Variants in GNAO1 observed in about 807,000 individuals in gnomAD.
The protein encoded by GNAO1 is G protein subunit alpha o1.
For synonymous variants in GNAO1, 164 were observed against 180.7 expected (o/e 0.91, Z 0.74); for missense variants, 166 against 478.7 (o/e 0.35, Z 6.10).
intron 6 of GNAO1, chr16:56,340,266 G>C (rs2037787985): frequency 6.6e-6 from 1 of 151,870 alleles, no homozygotes; most frequent in South Asian, 2.1e-4. Context: ...CCACCAACGA[G>C]ACCACCAACC....
In GNAO1 at chr16:56,192,590, A is replaced by G. The variant is rs1437639311; in HGVS notation, c.135A>G (p.Gly45=). Residue 45 remains glycine (G), a synonymous_variant, in exon 2 of 9, where the codon GGA becomes GGG. Coordinates refer to ENST00000262493, the MANE Select transcript of GNAO1 (RefSeq NM_020988.3). ...KLLLLGAGES[G]KSTIVKQMKI... ...TCCCAACAGGGGCTGGAGAATCAGG[A>G]AAAAGCACCATTGTGAAGCAGATGA... 6.2e-7 allele frequency: 1 copy of G among 1,600,092 alleles called. No individual in the cohort carries two copies. The highest frequency in any genetic ancestry group is 2.2e-5 in the East Asian group (1 of 44,724).
chr16:56,255,792 A>G (rs1391647028), intron 2 of GNAO1, among the ~76,000 whole-genome samples: 2 of 151,998 alleles, frequency 1.3e-5, no homozygotes, highest in African/African-American at 2.4e-5. Context: ...TCTGTCCTCC[A>G]TGTCTGTTAT....
chr16:56,346,704 C>G, intron 6 of GNAO1: 14 of 985,640 alleles, frequency 1.4e-5, no homozygotes, highest in Non-Finnish European at 1.6e-5. Context: ...ATACCTGCTG[C>G]CAGGACGCAG....
chr16:56,329,003 G>A (rs1596867906), intron 4 of GNAO1: 2 of 556,136 alleles, frequency 3.6e-6, no homozygotes, highest in East Asian at 3.0e-5. Flanking sequence ...AGGAGGCAGA[G>A]GACGCAAGAG....
intron 4 of GNAO1, among the ~76,000 whole-genome samples, chr16:56,333,740 T>G (rs1442694501): frequency 2.0e-5 from 3 of 152,246 alleles, no homozygotes; most frequent in African/African-American, 7.2e-5. Context: ...GCCAGCAAGC[T>G]GGCCCCCAGC....
At chr16:56,281,417 C>T (rs756916944) in intron 3 of GNAO1, among the ~76,000 whole-genome samples, 5 of 152,278 alleles carry the variant, frequency 3.3e-5, no homozygotes, top group African/African-American at 4.8e-5. Flanking sequence ...ACCCTCTTCT[C>T]CACCCCAGCG....
chr16:56,299,175 C>T (rs550433515), intron 3 of GNAO1, among the ~76,000 whole-genome samples: 1 of 152,356 alleles, frequency 6.6e-6, no homozygotes, highest in East Asian at 1.9e-4. Flanking sequence ...TTGCCTAACT[C>T]CAAAGGCAAG....
intron 3 of GNAO1, among the ~76,000 whole-genome samples, chr16:56,316,095 G>A (rs955051017): frequency 9.3e-5 from 14 of 150,160 alleles, no homozygotes; most frequent in African/African-American, 2.9e-4. Context: ...TCCATCCTGC[G>A]TTTCCTCTCC....
intron 2 of GNAO1, among the ~76,000 whole-genome samples, chr16:56,266,095 A>G (rs1319587919): frequency 1.3e-5 from 2 of 151,932 alleles, no homozygotes; most frequent in African/African-American, 2.4e-5. Context: ...ACTAACTACT[A>G]GTTTTGTGTT....
Position 56,323,952 on chromosome 16 carries a change from T to G in GNAO1, c.304-4679T>G, listed in dbSNP as rs139384946. ...TGGGCATGGGAAGGACTCAGTGAAA[T>G]CAAGCAGGTCTCCTGGTCTTTGAAT... On this transcript the variant is annotated intron_variant, in intron 3 of 8. Transcript: ENST00000262493. Among the ~76,000 whole-genome samples the G allele has an allele frequency of 6.0e-4, 91 of 152,016 alleles. 1 individual carries two copies. Among genetic ancestry groups the G allele is most frequent in the African/African-American group, 2.0e-3 (84 of 41,448 alleles).
chr16:56,335,966 T>A (rs1294854194), intron 5 of GNAO1, among the ~76,000 whole-genome samples: 1 of 152,092 alleles, frequency 6.6e-6, no homozygotes, highest in African/African-American at 2.4e-5. Flanking sequence ...GGACCAGAGA[T>A]CCTTCCCTGT....
At chr16:56,328,057 C>A (rs185680076) in intron 3 of GNAO1, among the ~76,000 whole-genome samples, 1 of 152,330 alleles carries the variant, frequency 6.6e-6, no homozygotes, top group East Asian at 1.9e-4. Context: ...TCCCCTCCCC[C>A]AGTCCTGAGG....
chr16:56,328,586 G>C, intron 3 of GNAO1, 45 bp from the exon 4 acceptor site: 1 of 1,599,104 alleles, frequency 6.3e-7, no homozygotes, highest in Non-Finnish European at 8.6e-7. Flanking sequence ...GAGGTCTTCT[G>C]TCCCCACCAA....
rs528832893 is a variant in GNAO1, at chr16:56,332,448, C to A, written c.465-2281C>A. Among the ~76,000 whole-genome samples, 27 of 152,364 alleles carry A rather than the reference C, an allele frequency of 1.8e-4. No individual in the cohort carries two copies. The South Asian group carries it at 5.6e-3, about 32-fold the overall frequency. ...ACCACCCTGCATCAAATAGCAGCCCCCAGCAGCTCTCCCCCATCACTAATA... is the reference window on the plus strand; with the variant it reads ...ACCACCCTGCATCAAATAGCAGCCCACAGCAGCTCTCCCCCATCACTAATA... On this transcript the variant is annotated intron_variant, in intron 4 of 8. Coordinates refer to ENST00000262493, the MANE Select transcript of GNAO1 (RefSeq NM_020988.3).
chr16:56,260,036 C>T (rs1410960593), intron 2 of GNAO1, among the ~76,000 whole-genome samples: 3 of 152,178 alleles, frequency 2.0e-5, no homozygotes, highest in Non-Finnish European at 4.4e-5. Flanking sequence ...TTCTTATTAA[C>T]CAGTTTCTTC....
chr16:56,296,906 T>C (rs1414838376), intron 3 of GNAO1, among the ~76,000 whole-genome samples: 3 of 152,158 alleles, frequency 2.0e-5, no homozygotes, highest in Non-Finnish European at 4.4e-5. Context: ...CCCACAACTC[T>C]TCCTACAAGG....
In GNAO1 at chr16:56,345,465, C is replaced by A. The variant is rs2037856965; in HGVS notation, c.724-5919C>A. On this transcript the variant is annotated intron_variant, in intron 6 of 8. Coordinates refer to ENST00000262493, the MANE Select transcript of GNAO1 (RefSeq NM_020988.3). ...CAGAGCCGGGAAGCACCAGTGCCAACAGCTCTGGACTTGTTGGACCCACAG... is the reference window on the plus strand; with the variant it reads ...CAGAGCCGGGAAGCACCAGTGCCAAAAGCTCTGGACTTGTTGGACCCACAG... 3.0e-6 allele frequency: 3 copies of A among 985,500 alleles called. No homozygotes were observed. In the South Asian group the frequency reaches 1.4e-4, roughly 46 times the overall value. 61.0% of individuals were successfully genotyped at this position (985,500 alleles called of 1,614,324 possible). A position where few individuals can be genotyped will look rare whatever the true frequency, so the allele number is the denominator to read the frequency against.
intron 2 of GNAO1, among the ~76,000 whole-genome samples, chr16:56,227,619 TCAA>T (rs2036543670): frequency 7.6e-6 from 1 of 130,746 alleles, no homozygotes; most frequent in African/African-American, 2.9e-5. Flanking sequence ...GCCCAGGAGG[TCAA>T]GGCTATAGTG....
At chr16:56,207,703 C>A (rs1407326849) in intron 2 of GNAO1, among the ~76,000 whole-genome samples, 1 of 152,188 alleles carries the variant, frequency 6.6e-6, no homozygotes, top group Non-Finnish European at 1.5e-5. Context: ...TCCACCTCTG[C>A]CCCTACAGGT....
Sources: allele counts gnomAD v4.1 joint callset (sites outside exome capture counted in the v4.1 genomes callset), GRCh38; gene constraint gnomAD v4.1.1; transcripts MANE v1.5; gene names NCBI Gene and HGNC (gene_info 2026-07-23, HGNC 2026-07-21).